Variants in ANK1 observed in about 807,000 individuals in gnomAD.
ANK1 encodes the protein ankyrin-1.
In ANK1, 51 loss-of-function variants were observed where a neutral mutation model predicts 210.4. That is an observed-to-expected ratio of 0.24 (90% confidence interval 0.19 to 0.31). The LOEUF is 0.31. ANK1 is among the 10% of genes least tolerant of loss of function. The pLI, the probability that ANK1 is intolerant of heterozygous loss-of-function variation, is 1.00. For synonymous variants in ANK1, 967 were observed against 1,025.9 expected, an observed-to-expected ratio of 0.94 and a Z score of 1.10; for missense variants, 2,051 against 2,504.4, an observed-to-expected ratio of 0.82 and a Z score of 3.86.
At chr8:41,825,179 C>T (rs942018543) in intron 1 of ANK1, among the ~76,000 whole-genome samples, 7 of 152,226 alleles carry the variant, frequency 4.6e-5, no homozygotes, top group East Asian at 1.9e-4. Context: ...AGCCACTGCT[C>T]GCCCGACTAG....
chr8:41,835,958 A>G (rs1427695904), intron 1 of ANK1, among the ~76,000 whole-genome samples: 1 of 152,136 alleles, frequency 6.6e-6, no homozygotes, highest in Non-Finnish European at 1.5e-5. Flanking sequence ...GGGAGGGGAG[A>G]GGGCAGGGGG....
intron 1 of ANK1, among the ~76,000 whole-genome samples, chr8:41,895,731 C>T (rs1820355392): frequency 6.6e-6 from 1 of 152,148 alleles, no homozygotes; most frequent in Non-Finnish European, 1.5e-5. Flanking sequence ...GCAAATACCC[C>T]GGGTAGAGGA....
intron 1 of ANK1, among the ~76,000 whole-genome samples, chr8:41,808,774 T>C (rs1851352380): frequency 6.6e-6 from 1 of 152,220 alleles, no homozygotes. Context: ...TTTTTGCTAA[T>C]TTAAACGTTA....
At position 41,794,076 on chromosome 8, in the gene ANK1, C is replaced by T. The variant is rs553807567; in HGVS notation, c.27+3436G>A. On this transcript the variant is annotated intron_variant, in intron 1 of 42. Transcript: ENST00000289734. ...AATTTGGTAGCCCATCCCTACAAAA[C>T]GTGAATCCCTGGTTTCAAAGGCATT... Among the ~76,000 whole-genome samples, 71 of 152,322 alleles carry T rather than the reference C, an allele frequency of 4.7e-4. 1 individual carries two copies. The South Asian group carries it at 6.8e-3, about 15-fold the overall frequency.
At chr8:41,742,035 G>T (rs1834921448) in intron 2 of ANK1, among the ~76,000 whole-genome samples, 1 of 152,242 alleles carries the variant, frequency 6.6e-6, no homozygotes. Context: ...CGATCTGTGT[G>T]ATGGGCGGGG....
intron 1 of ANK1, among the ~76,000 whole-genome samples, chr8:41,782,083 AG>A (rs1845456602): frequency 6.6e-6 from 1 of 152,210 alleles, no homozygotes; most frequent in Non-Finnish European, 1.5e-5. Context: ...CAATGTGCAG[AG>A]CCCTCCATCT....
rs1419821967 is a variant in ANK1, at chr8:41,714,147, G to C, written c.1800+9C>G. 2 of 1,344,216 alleles carry C rather than the reference G, an allele frequency of 1.5e-6. No homozygotes were observed. The highest frequency in any genetic ancestry group is 5.4e-5 in the Admixed American group (2 of 37,172). The allele number at this position is 1,344,216 out of a possible 1,614,324, so 83.3% of individuals were successfully genotyped here. A position where few individuals can be genotyped will look rare whatever the true frequency, so the allele number is the denominator to read the frequency against. ...TCCAGGGGCAGCTGGGGAGAGGGGC[G>C]GGCCTTACCCAGGCAGGGCTGTGCG... On this transcript the variant is annotated intron_variant, in intron 16 of 42. Coordinates refer to ENST00000289734, the MANE Select transcript of ANK1 (RefSeq NM_000037.4).
intron 1 of ANK1, among the ~76,000 whole-genome samples, chr8:41,759,499 C>T (rs1029377322): frequency 6.5e-5 from 8 of 122,998 alleles, no homozygotes; most frequent in African/African-American, 1.2e-4. Context: ...AGCAAGACTC[C>T]GTCTCAAAAA....
rs1830945290 is a variant in ANK1, at chr8:41,727,236, T to C, written c.426+14A>G. ...AGACTTCTGGTGGTGACGACATTTT[T>C]CCAAGGTACTTACTTCTGTGGCTAC... On this transcript the variant is annotated intron_variant, in intron 5 of 42. Transcript: ENST00000289734. 9.9e-6 allele frequency: 16 copies of C among 1,609,740 alleles called. No homozygotes were observed. Among genetic ancestry groups the C allele is most frequent in the Non-Finnish European group, 1.3e-5 (15 of 1,175,954 alleles).
chr8:41,864,078 G>A (rs1239618568), intron 1 of ANK1, among the ~76,000 whole-genome samples: 6 of 151,952 alleles, frequency 3.9e-5, no homozygotes, highest in Non-Finnish European at 8.8e-5. Context: ...GTGAAACCCC[G>A]TCTCTACTAA....
chr8:41,803,029 G>GAAAGAAAGAA (rs1554630841), intron 1 of ANK1, among the ~76,000 whole-genome samples: 30 of 85,502 alleles, frequency 3.5e-4, no homozygotes, highest in African/African-American at 1.5e-3. Context: ...AAGAAAGAAA[G>GAAAGAAAGAA]AAAGAAAGAA....
chr8:41,792,425 T>TAACA (rs1174128938), intron 1 of ANK1, among the ~76,000 whole-genome samples: 1 of 152,220 alleles, frequency 6.6e-6, no homozygotes, highest in East Asian at 1.9e-4. Flanking sequence ...AACATTTTCC[T>TAACA]AACAGCCAAA....
chr8:41,759,830 C>CA (rs1840011811), intron 1 of ANK1, among the ~76,000 whole-genome samples: 1 of 152,128 alleles, frequency 6.6e-6, no homozygotes, highest in South Asian at 2.1e-4. Flanking sequence ...AGTGGGATTG[C>CA]AGAGTCCCAT....
chr8:41,656,400 G>C (rs1433711537), intron 42 of ANK1, among the ~76,000 whole-genome samples: 3 of 152,204 alleles, frequency 2.0e-5, no homozygotes, highest in Non-Finnish European at 4.4e-5. Flanking sequence ...ATGCCCCTCA[G>C]ATGGACAGAG....
chr8:41,756,237 C>G (rs973328572), intron 2 of ANK1, among the ~76,000 whole-genome samples: 4 of 152,024 alleles, frequency 2.6e-5, no homozygotes, highest in Non-Finnish European at 5.9e-5. Context: ...CCTCCGCCTC[C>G]TGGGTTCTAG....
intron 1 of ANK1, among the ~76,000 whole-genome samples, chr8:41,885,703 T>G (rs1318674067): frequency 1.3e-5 from 2 of 152,080 alleles, no homozygotes; most frequent in Non-Finnish European, 2.9e-5. Context: ...CTCTCCAGAG[T>G]GTGGTCAATG....
At chr8:41,681,698 C>T (rs1433289284) in intron 37 of ANK1, among the ~76,000 whole-genome samples, 2 of 151,190 alleles carry the variant, frequency 1.3e-5, no homozygotes, top group African/African-American at 4.9e-5. Flanking sequence ...CGAGCCCTGC[C>T]CAGGGAAGAG....
chr8:41,849,321 T>C (rs2150810360), intron 1 of ANK1, among the ~76,000 whole-genome samples: 1 of 152,356 alleles, frequency 6.6e-6, no homozygotes, highest in Non-Finnish European at 1.5e-5. Flanking sequence ...TCTTTGGCCT[T>C]GGCCTTTGGC....
At chr8:41,828,876 C>T (rs1806019869) in intron 1 of ANK1, 1 of 152,332 alleles carries the variant, frequency 6.6e-6, no homozygotes, top group Admixed American at 6.5e-5. Context: ...GAAAACTGCG[C>T]GGCAAAGGCG....
Sources: allele counts gnomAD v4.1 joint callset (sites outside exome capture counted in the v4.1 genomes callset), GRCh38; gene constraint gnomAD v4.1.1; transcripts MANE v1.5; gene names NCBI Gene and HGNC (gene_info 2026-07-23, HGNC 2026-07-21).